The following PRKCE variants were observed in gnomAD, a reference collection of about 807,000 sequenced individuals.
PRKCE encodes protein kinase C epsilon.
PRKCE carries 16 observed loss-of-function variants against 85.4 expected under a neutral mutation model. The observed-to-expected ratio is 0.19, with a 90% CI of 0.13 to 0.28. The LOEUF is 0.28. PRKCE is among the 10% of genes least tolerant of loss of function. PRKCE has a pLI of 1.00. For missense variants in PRKCE, 573 were observed against 975.2 expected, an observed-to-expected ratio of 0.59 and a Z score of 5.49; for synonymous variants, 388 against 371.5, an observed-to-expected ratio of 1.04 and a Z score of -0.51.
chr2:45,826,152 TG>T (rs1689925119), intron 1 of PRKCE, among the ~76,000 whole-genome samples: 1 of 152,182 alleles, frequency 6.6e-6, no homozygotes, highest in African/African-American at 2.4e-5. Flanking sequence ...CTCACCCTCC[TG>T]GTCTCAATGT....
intron 13 of PRKCE, among the ~76,000 whole-genome samples, chr2:46,158,826 A>G (rs1342936993): frequency 6.6e-6 from 1 of 152,148 alleles, no homozygotes; most frequent in Non-Finnish European, 1.5e-5. Flanking sequence ...TTTTATTGGT[A>G]TACGTATGCT....
chr2:45,982,722 G>A (rs1702992495), intron 5 of PRKCE, among the ~76,000 whole-genome samples: 1 of 152,076 alleles, frequency 6.6e-6, no homozygotes, highest in South Asian at 2.1e-4. Context: ...CTGATGCTGT[G>A]GCATGCTCTT....
rs1669641249 is a variant in PRKCE at position 46,086,387 on chromosome 2, C to T, written c.1592+25C>T. The T allele has an allele frequency of 1.9e-6, 3 of 1,587,906 alleles. No homozygotes were observed. The East Asian group carries it at 6.7e-5, about 36-fold the overall frequency. Reference sequence around the variant, plus strand: ...GGTAGCCTCTTCTCTCCTCCTCTTTCCTGAAAGTGAAGAAAATAAAGGATG... The same window carrying T: ...GGTAGCCTCTTCTCTCCTCCTCTTTTCTGAAAGTGAAGAAAATAAAGGATG... On this transcript the variant is annotated intron_variant, in intron 11 of 14. Coordinates refer to ENST00000306156, the MANE Select transcript of PRKCE (RefSeq NM_005400.3).
At chr2:45,800,856 G>A (rs1459065683) in intron 1 of PRKCE, among the ~76,000 whole-genome samples, 1 of 152,156 alleles carries the variant, frequency 6.6e-6, no homozygotes, top group Non-Finnish European at 1.5e-5. Context: ...ATGTATGCAT[G>A]AGCCATGGTT....
intron 2 of PRKCE, among the ~76,000 whole-genome samples, chr2:45,974,642 C>T (rs1340854777): frequency 6.6e-6 from 1 of 152,188 alleles, no homozygotes; most frequent in African/African-American, 2.4e-5. Flanking sequence ...TCCCTCTACC[C>T]TACCCTCCAA....
chr2:45,937,225 A>T (rs1699526967), intron 2 of PRKCE, among the ~76,000 whole-genome samples: 1 of 152,202 alleles, frequency 6.6e-6, no homozygotes, highest in South Asian at 2.1e-4. Context: ...AATAAAAAAA[A>T]ATTGGGGAGA....
At chr2:46,002,187 G>A (rs534549864) in intron 7 of PRKCE, among the ~76,000 whole-genome samples, 9 of 152,338 alleles carry the variant, frequency 5.9e-5, no homozygotes, top group East Asian at 3.9e-4. Context: ...AAAGGCATCC[G>A]TAGCATTTCA....
chr2:45,863,978 C>G (rs1457381837), intron 2 of PRKCE, among the ~76,000 whole-genome samples: 1 of 152,216 alleles, frequency 6.6e-6, no homozygotes, highest in African/African-American at 2.4e-5. Flanking sequence ...GTGTCCTAGA[C>G]TAGCTCTCAC....
chr2:45,925,678 C>T (rs940935040), intron 2 of PRKCE, among the ~76,000 whole-genome samples: 3 of 152,204 alleles, frequency 2.0e-5, no homozygotes, highest in Admixed American at 1.3e-4. Context: ...GTAGTGAACC[C>T]AAGGGAGAAT....
At chr2:46,150,919 T>A in intron 12 of PRKCE, 122 bp from the exon 13 acceptor site, 1 of 835,826 alleles carries the variant, frequency 1.2e-6, no homozygotes, top group Non-Finnish European at 1.8e-6. Context: ...CTTCTAGGAC[T>A]AGGACTCAAC....
At chr2:46,029,532 G>A (rs1224747532) in intron 10 of PRKCE, among the ~76,000 whole-genome samples, 1 of 152,154 alleles carries the variant, frequency 6.6e-6, no homozygotes, top group African/African-American at 2.4e-5. Context: ...CACCCTTTGT[G>A]AAATGAAAAG....
intron 11 of PRKCE, among the ~76,000 whole-genome samples, chr2:46,130,200 A>C (rs558875257): frequency 2.0e-5 from 3 of 152,226 alleles, no homozygotes; most frequent in South Asian, 4.1e-4. Context: ...GAAAGAGACA[A>C]ATAACACAAA....
chr2:45,964,770 G>T (rs1049765686), intron 2 of PRKCE, among the ~76,000 whole-genome samples: 1 of 152,174 alleles, frequency 6.6e-6, no homozygotes, highest in Non-Finnish European at 1.5e-5. Context: ...TTGGGGTTTG[G>T]CATCTTCTTT....
chr2:45,993,746 CA>C (rs1703998731), intron 6 of PRKCE, among the ~76,000 whole-genome samples: 1 of 152,124 alleles, frequency 6.6e-6, no homozygotes. Context: ...GAATGAGCAT[CA>C]AAGGGCAGCT....
At chr2:45,934,729 A>G (rs1417754071) in intron 2 of PRKCE, among the ~76,000 whole-genome samples, 1 of 152,016 alleles carries the variant, frequency 6.6e-6, no homozygotes, top group Non-Finnish European at 1.5e-5. Flanking sequence ...ATTACTTCAC[A>G]AGTATCTTTA....
chr2:46,060,932 T>G (rs1667056182), intron 10 of PRKCE, among the ~76,000 whole-genome samples: 1 of 151,642 alleles, frequency 6.6e-6, no homozygotes. Context: ...TGGCTCATTT[T>G]TGTAATTTTA....
At chr2:46,120,276 A>G (rs1393173382) in intron 11 of PRKCE, among the ~76,000 whole-genome samples, 5 of 152,180 alleles carry the variant, frequency 3.3e-5, no homozygotes, top group Admixed American at 2.6e-4. Flanking sequence ...TTTTACCTCC[A>G]GGGAAGATTT....
At chr2:46,152,184 ATT>A (rs200243387) in intron 13 of PRKCE, among the ~76,000 whole-genome samples, 4 of 145,656 alleles carry the variant, frequency 2.7e-5, no homozygotes, top group Non-Finnish European at 3.0e-5. Context: ...TTACAAAGAA[ATT>A]TTTTTTTTTT....
chr2:45,755,596 A>C (rs1032850681), intron 1 of PRKCE, among the ~76,000 whole-genome samples: 1 of 152,242 alleles, frequency 6.6e-6, no homozygotes, highest in Non-Finnish European at 1.5e-5. Flanking sequence ...GGCAATTACC[A>C]GGTCATTTAG....
Sources: allele counts gnomAD v4.1 joint callset (sites outside exome capture counted in the v4.1 genomes callset), GRCh38; gene constraint gnomAD v4.1.1; transcripts MANE v1.5; gene names NCBI Gene and HGNC (gene_info 2026-07-23, HGNC 2026-07-21).